The following RUFY4 variants were observed in gnomAD, a reference collection of about 807,000 sequenced individuals.
RUFY4 encodes the protein RUN and FYVE domain containing 4.
In RUFY4, 73 loss-of-function variants were observed where a neutral mutation model predicts 69.0. That is an observed-to-expected ratio of 1.06 (90% CI 0.88 to 1.29). The LOEUF is 1.29. Among genes scored for constraint, RUFY4 ranks in the 50% most tolerant of loss-of-function variants. The pLI is 0.00. For synonymous variants in RUFY4, 287 were observed against 271.8 expected, an observed-to-expected ratio of 1.06 and a Z score of -0.55; for missense variants, 770 against 705.6, an observed-to-expected ratio of 1.09 and a Z score of -1.03.
At chr2:218,051,008 T>G (rs1047923925) in intron 2 of RUFY4, among the ~76,000 whole-genome samples, 2 of 152,220 alleles carry the variant, frequency 1.3e-5, no homozygotes, top group Admixed American at 6.5e-5. Context: ...GTGATAGATA[T>G]TTTTAAAATA....
chr2:218,042,279 A>G (rs1273162537), intron 2 of RUFY4, among the ~76,000 whole-genome samples: 1 of 152,244 alleles, frequency 6.6e-6, no homozygotes, highest in Admixed American at 6.5e-5. Flanking sequence ...GATTAAAAAG[A>G]AAACTTGTAT....
chr2:218,064,936 C>T (rs1232317438), upstream of RUFY4, among the ~76,000 whole-genome samples: 1 of 152,090 alleles, frequency 6.6e-6, no homozygotes, highest in African/African-American at 2.4e-5. Context: ...CCGGGTCCCC[C>T]TTCATCACCC....
intron 8 of RUFY4, among the ~76,000 whole-genome samples, chr2:218,081,101 T>C (rs937564257): frequency 6.6e-6 from 1 of 152,216 alleles, no homozygotes; most frequent in African/African-American, 2.4e-5. Context: ...TCCCCTCGTG[T>C]GCTAGGAGTA....
chr2:218,055,774 C>A (rs1689047434), intron 2 of RUFY4, among the ~76,000 whole-genome samples: 1 of 152,174 alleles, frequency 6.6e-6, no homozygotes, highest in Non-Finnish European at 1.5e-5. Context: ...GTTCACCAAC[C>A]ATCCCCGCCA....
chr2:218,072,479 T>C, exon 3 of RUFY4: 8 of 1,537,190 alleles, frequency 5.2e-6, no homozygotes, highest in Non-Finnish European at 7.0e-6. Context: ...GCCAATCCAC[T>C]TTGTCCGTTC....
At chr2:218,064,409 C>T (rs1191942503), upstream of RUFY4, among the ~76,000 whole-genome samples, 1 of 152,224 alleles carries the variant, frequency 6.6e-6, no homozygotes, top group Admixed American at 6.5e-5. Flanking sequence ...CCAAGCCAAC[C>T]CCAAGTTGGG....
At chr2:218,076,259 C>A (rs1336875608) in intron 7 of RUFY4, among the ~76,000 whole-genome samples, 168 bp from the exon 10 acceptor site, 2 of 152,206 alleles carry the variant, frequency 1.3e-5, no homozygotes, top group Non-Finnish European at 2.9e-5. Context: ...CCAGGCACAC[C>A]CAGAAGCAGG....
At chr2:218,072,834 G>A in exon 4 of RUFY4, 1 of 1,535,696 alleles carries the variant, frequency 6.5e-7, no homozygotes, top group Non-Finnish European at 8.7e-7. Flanking sequence ...CTGGCCCGTG[G>A]GCAGCTGGCT....
upstream of RUFY4, among the ~76,000 whole-genome samples, chr2:218,069,804 C>A (rs1468023750): frequency 1.2e-4 from 18 of 152,140 alleles, no homozygotes; most frequent in Admixed American, 1.2e-3. Context: ...CATGCCTGGT[C>A]TTGACTCTAG....
intron 8 of RUFY4, among the ~76,000 whole-genome samples, chr2:218,079,496 G>C (rs1054697859): frequency 8.5e-5 from 13 of 152,108 alleles, no homozygotes; most frequent in Admixed American, 8.5e-4. Flanking sequence ...GCTTGGTTTT[G>C]AACACGTTAC....
Position 218,089,043 on chromosome 2 carries a change from G to A in RUFY4, c.1503-209G>A, listed in dbSNP as rs114461713. ...TCCCCATTGCTGTGTCTCTATCTGC[G>A]TCTCTGCTCTTGTTTCTGTCCCTGT... On this transcript the variant is annotated intron_variant, in intron 9 of 10. Transcript: ENST00000344321. Among the ~76,000 whole-genome samples, 192 of 151,334 alleles carry A rather than the reference G, an allele frequency of 1.3e-3. 1 individual carries two copies. Among genetic ancestry groups the A allele is most frequent in the East Asian group, 1.9e-3 (10 of 5,154 alleles).
Position 218,076,518 on chromosome 2 carries a change from G to C in RUFY4, c.1340G>C (p.Arg447Pro), listed in dbSNP as rs187325896. Residue 447 changes from arginine (R) to proline (P), a missense_variant, in exon 8 of 11, where the codon CGG becomes CCG. Transcript: ENST00000344321. ...CAGGAGGGGGAGCTGCAGGCACTTC[G>C]GGAGCAGCTCAGCAGGTAACCTTGG... 3.2e-6 allele frequency: 5 copies of C among 1,550,412 alleles called. No individual in the cohort carries two copies. The highest frequency in any genetic ancestry group is 3.5e-6 in the Non-Finnish European group (4 of 1,146,400).
chr2:218,045,966 G>A (rs1159980588), intron 2 of RUFY4, among the ~76,000 whole-genome samples: 7 of 152,038 alleles, frequency 4.6e-5, no homozygotes, highest in African/African-American at 1.7e-4. Context: ...CATGGCGCCC[G>A]GCTAATTTTT....
At chr2:218,090,050 C>G in exon 11 of RUFY4, 1 of 1,538,538 alleles carries the variant, frequency 6.5e-7, no homozygotes, top group Admixed American at 2.0e-5. Context: ...GCCCAGGTCA[C>G]CTGACCAAGA....
At chr2:218,050,436 C>T (rs937165031) in intron 2 of RUFY4, among the ~76,000 whole-genome samples, 4 of 152,092 alleles carry the variant, frequency 2.6e-5, no homozygotes, top group African/African-American at 9.7e-5. Flanking sequence ...TTCCACTTGC[C>T]GAACTGCAGG....
Position 218,089,378 on chromosome 2 carries a change from C to A in RUFY4, c.1613+16C>A, listed in dbSNP as rs1390684719. 1 of 1,604,714 alleles carries A rather than the reference C, an allele frequency of 6.2e-7. No homozygotes were observed. The highest frequency in any genetic ancestry group is 8.5e-7 in the Non-Finnish European group (1 of 1,172,566). ...ATCCATGCAGGTAAAGGGAAGGGCACAGAATCCTCCCTCTGGGACAGCCCA... is the reference window on the plus strand; with the variant it reads ...ATCCATGCAGGTAAAGGGAAGGGCAAAGAATCCTCCCTCTGGGACAGCCCA... On this transcript the variant is annotated intron_variant, in intron 10 of 10. Transcript: ENST00000344321.
At chr2:218,072,963 C>T in intron 4 of RUFY4, 78 bp downstream of exon 6, 1 of 1,181,178 alleles carries the variant, frequency 8.5e-7, no homozygotes, top group South Asian at 1.6e-5. Context: ...CTCCTTTAAC[C>T]CCCACAGATG....
chr2:218,066,108 G>A (rs919877900), upstream of RUFY4, among the ~76,000 whole-genome samples: 17 of 150,434 alleles, frequency 1.1e-4, no homozygotes, highest in Admixed American at 8.7e-4. Context: ...GTGCTGCTAG[G>A]TGGGGAAGGA....
At chr2:218,056,147 G>A (rs1333266789) in intron 2 of RUFY4, among the ~76,000 whole-genome samples, 1 of 151,794 alleles carries the variant, frequency 6.6e-6, no homozygotes, top group Non-Finnish European at 1.5e-5. Flanking sequence ...AATTTGATTT[G>A]CCTAGTTGGT....
Sources: gnomAD v4.1 joint callset for allele counts (sites outside exome capture counted in the v4.1 genomes callset) on GRCh38, gnomAD v4.1.1 for gene constraint, MANE v1.5 for transcripts, NCBI Gene and HGNC (gene_info 2026-07-23, HGNC 2026-07-21) for gene names.